TRIOBP: variants seen among roughly 807,000 people sequenced by gnomAD.
TRIOBP encodes TRIO and F-actin binding protein, also known as TRIO and F-actin-binding protein.
TRIOBP carries 169 observed loss-of-function variants against 238.8 expected under a neutral mutation model. The ratio of observed to expected loss-of-function variants is 0.71; its 90% CI spans 0.62 to 0.80. The LOEUF is 0.80. TRIOBP is among the 30% of genes least tolerant of loss of function. TRIOBP has a pLI of 0.00. For missense variants in TRIOBP, 2,838 were observed against 3,122.6 expected (o/e 0.91, Z 2.17); for synonymous variants, 1,150 against 1,274.4 (o/e 0.90, Z 2.08).
chr22:37,743,426 C>T (rs543314049), intron 11 of TRIOBP, among the ~76,000 whole-genome samples: 2 of 152,302 alleles, frequency 1.3e-5, no homozygotes, highest in South Asian at 4.1e-4. Flanking sequence ...TAACTCACCC[C>T]TGGGTCCCTG....
chr22:37,772,668 C>T lies in TRIOBP; in HGVS notation c.7004C>T (p.Ser2335Phe), dbSNP rs1926842737. The change falls in exon 23 of 24, where the codon TCT becomes TTT. Residue 2335 changes from serine to phenylalanine, a missense_variant. Physicochemically the swap from Ser to Phe is radical, Grantham distance 155 (BLOSUM62 -2). Transcript: ENST00000644935. ...YVELSHIKTR[S>F]EREIEQLKEH... ...GAGCTGAGCCACATCAAGACACGGTCTGAGCGGGAGATCGAGCAGCTGAAG... is the reference window on the plus strand; with the variant it reads ...GAGCTGAGCCACATCAAGACACGGTTTGAGCGGGAGATCGAGCAGCTGAAG... 14 of 1,614,040 alleles carry T rather than the reference C, an allele frequency of 8.7e-6. 1 individual carries two copies. Among genetic ancestry groups the T allele is most frequent in the Non-Finnish European group, 1.2e-5 (14 of 1,180,040 alleles).
chr22:37,724,886 A>G lies in TRIOBP; in HGVS notation c.2330A>G (p.Asn777Ser). The G allele has an allele frequency of 6.2e-7, 1 of 1,601,956 alleles. No homozygotes were observed. Among genetic ancestry groups the G allele is most frequent in the South Asian group, 1.1e-5 (1 of 90,560 alleles). Residue 777 changes from asparagine (N) to serine (S), a missense_variant, in exon 7 of 24, where the codon AAT becomes AGT. Asn to Ser is a conservative substitution (Grantham distance 46, BLOSUM62 1). Around this residue, in one of 5 missense-constraint regions of TRIOBP, gnomAD observed 2,096 missense variants for 2,137.4 expected, o/e 0.98. Coordinates refer to ENST00000644935, the MANE Select transcript of TRIOBP (RefSeq NM_001039141.3). ...AGAACATCCTGTACCCGACAGGACA[A>G]TCCCAGGACCTCCTCTCCCAATAGA... ...NLRTSCTRQD[N>S]PRTSSPNRAT...
intron 14 of TRIOBP, 34 bp from the exon 15 acceptor site, chr22:37,755,516 C>T: frequency 1.3e-6 from 2 of 1,589,596 alleles, no homozygotes; most frequent in South Asian, 1.1e-5. Context: ...TGCGGCTGGC[C>T]ATGTGGCAAC....
rs1926915706 is a variant in TRIOBP at position 37,773,947 on chromosome 22, GAC to G, written c.*171_*172del. On this transcript the variant is annotated 3_prime_UTR_variant, in exon 24 of 24. Coordinates refer to ENST00000644935, the MANE Select transcript of TRIOBP (RefSeq NM_001039141.3). ...ACACACACACACACACAGACACACAGACACATACGCACACACGTGCACACATG... is the reference window on the plus strand; with the variant it reads ...ACACACACACACACACAGACACACAGACATACGCACACACGTGCACACATG... 1 of 128,672 alleles carries G rather than the reference GAC, an allele frequency of 7.8e-6. No individual in the cohort carries two copies. 8.0% of individuals were successfully genotyped at this position (128,672 alleles called of 1,614,324 possible). A position where few individuals can be genotyped will look rare whatever the true frequency, so the allele number is the denominator to read the frequency against.
Position 37,710,478 on chromosome 22 carries a change from T to C in TRIOBP, c.166T>C (p.Cys56Arg). 1.2e-6 allele frequency: 2 copies of C among 1,613,398 alleles called. No homozygotes were observed. Among genetic ancestry groups the C allele is most frequent in the Non-Finnish European group, 1.7e-6 (2 of 1,179,966 alleles). ...GGTGCCCTACTGCGACCTGCCTCGA[T>C]GTCCACCTGCCCCTGAGGACCCACT... ...AEVPYCDLPR[C>R]PPAPEDPLSA... The change falls in exon 4 of 24, where the codon TGT (cysteine) becomes CGT (arginine). Residue 56 changes from cysteine to arginine, a missense_variant. By Grantham distance (180) the Cys-to-Arg change is radical. Transcript: ENST00000644935.
intron 17 of TRIOBP, among the ~76,000 whole-genome samples, chr22:37,764,036 C>T (rs1440515376): frequency 1.3e-5 from 2 of 152,244 alleles, no homozygotes; most frequent in Non-Finnish European, 2.9e-5. Context: ...CCTTCCTGGT[C>T]ACACCTCCCT....
intron 6 of TRIOBP, among the ~76,000 whole-genome samples, chr22:37,722,130 T>G (rs1385274864): frequency 6.6e-6 from 1 of 152,170 alleles, no homozygotes; most frequent in African/African-American, 2.4e-5. Flanking sequence ...TATAAAAGGT[T>G]GTCCATCCCT....
At chr22:37,727,471 AGCCT>A (rs2145836906) in intron 7 of TRIOBP, among the ~76,000 whole-genome samples, 1 of 152,054 alleles carries the variant, frequency 6.6e-6, no homozygotes, top group South Asian at 2.1e-4. Context: ...GATCGACAGC[AGCCT>A]GGCTAACACG....
In TRIOBP at chr22:37,725,853, G is replaced by A; in HGVS notation, c.3297G>A (p.Gln1099=). 2 of 1,604,276 alleles carry A rather than the reference G, an allele frequency of 1.2e-6. No homozygotes were observed. Among genetic ancestry groups the A allele is most frequent in the East Asian group, 2.3e-5 (1 of 44,424 alleles). Residue 1099 remains glutamine (Q), a synonymous_variant, in exon 7 of 24, where the codon CAG becomes CAA. Coordinates refer to ENST00000644935, the MANE Select transcript of TRIOBP (RefSeq NM_001039141.3). The part of the protein sequence containing the change: ...PDTSDAEHQC[Q]SPQHEPLQLP... ...CATCAGATGCCGAGCATCAGTGTCA[G>A]TCCCCCCAACACGAGCCCCTTCAGC...
At chr22:37,714,768 C>G (rs1923430682) in intron 5 of TRIOBP, among the ~76,000 whole-genome samples, 1 of 152,186 alleles carries the variant, frequency 6.6e-6, no homozygotes, top group African/African-American at 2.4e-5. Flanking sequence ...CCTTGACTTC[C>G]TGGGCTCAAG....
chr22:37,725,946 A>G lies in TRIOBP; in HGVS notation c.3390A>G (p.Pro1130=). The G allele has an allele frequency of 6.4e-7, 1 of 1,574,002 alleles. No individual in the cohort carries two copies. Among genetic ancestry groups the G allele is most frequent in the Non-Finnish European group, 8.6e-7 (1 of 1,163,648 alleles). The change falls in exon 7 of 24, where the codon CCA becomes CCG. Residue 1130 remains proline (P), a synonymous_variant. Coordinates refer to ENST00000644935, the MANE Select transcript of TRIOBP (RefSeq NM_001039141.3). ...PRASSPPRQA[P]EPSLLFQDLP... is the part of the protein sequence containing the mutation. ...CCTCCTCCCCACCACGCCAGGCCCC[A>G]GAGCCTTCCCTCTTATTCCAGGACC...
rs144175566 is a variant in TRIOBP, at chr22:37,734,501, C to A, written c.4165C>A (p.Leu1389Ile). ...PEKRPEGDRQ[L>I]QGSPLPPRTS... The stretch of plus-strand genomic sequence containing the variant: ...GAAGAGACCTGAGGGAGATCGGCAG[C>A]TCCAGGGGTCCCCGCTGCCCCCCAG... Residue 1389 changes from leucine to isoleucine, a missense_variant, in exon 9 of 24, where the codon CTC (leucine) becomes ATC (isoleucine). Leu to Ile is a conservative substitution (Grantham distance 5). Around this residue, in one of 5 missense-constraint regions of TRIOBP, gnomAD observed 2,096 missense variants for 2,137.4 expected, o/e 0.98. Coordinates refer to ENST00000644935, the MANE Select transcript of TRIOBP (RefSeq NM_001039141.3). 1.1e-3 allele frequency: 1,768 copies of A among 1,609,754 alleles called. 16 individuals carry two copies. The African/African-American group carries it at 0.019, about 18-fold the overall frequency.
intron 6 of TRIOBP, among the ~76,000 whole-genome samples, chr22:37,717,644 G>T (rs1219683138): frequency 6.6e-6 from 1 of 152,228 alleles, no homozygotes; most frequent in African/African-American, 2.4e-5. Context: ...CCCTGAGCTA[G>T]ACACAGGGTG....
At chr22:37,751,363 G>T (rs544814323) in intron 11 of TRIOBP, 1 of 339,812 alleles carries the variant, frequency 2.9e-6, no homozygotes, top group Non-Finnish European at 5.8e-6. Context: ...CTTGGTCCTC[G>T]TCAGAGGGAG....
chr22:37,749,341 ACT>A (rs1222120037), intron 11 of TRIOBP, among the ~76,000 whole-genome samples: 6 of 151,700 alleles, frequency 4.0e-5, no homozygotes, highest in Non-Finnish European at 7.4e-5. Flanking sequence ...GGCAGCAGAG[ACT>A]CTGTCTCAAA....
chr22:37,735,831 T>A (rs1422896764), intron 9 of TRIOBP, among the ~76,000 whole-genome samples: 1 of 152,228 alleles, frequency 6.6e-6, no homozygotes, highest in Non-Finnish European at 1.5e-5. Flanking sequence ...TCAAGCAAGA[T>A]GCTCTGGCCA....
At chr22:37,740,869 G>A (rs775585111) in intron 10 of TRIOBP, 26 bp from the exon 11 acceptor site, 112 of 1,561,810 alleles carry the variant, frequency 7.2e-5, no homozygotes, top group Non-Finnish European at 9.4e-5. Context: ...AGGGACCTGG[G>A]GCCAACACTG....
At chr22:37,719,267 G>A (rs752253296) in intron 6 of TRIOBP, among the ~76,000 whole-genome samples, 6 of 151,946 alleles carry the variant, frequency 3.9e-5, no homozygotes, top group Non-Finnish European at 7.4e-5. Flanking sequence ...GGAGGGGACA[G>A]AGAAGGAGAG....
In TRIOBP at chr22:37,776,104, G is replaced by A. The variant is rs763438071; in HGVS notation, c.*2324G>A. 2.0e-5 allele frequency: 3 copies of A among 152,064 alleles called. No individual in the cohort carries two copies. Among genetic ancestry groups the A allele is most frequent in the African/African-American group, 4.8e-5 (2 of 41,308 alleles). The allele number at this position is 152,064 out of a possible 1,614,324, so 9.4% of individuals were successfully genotyped here. ...CCTCAACCTAACTCAGGGCTCCCCC[G>A]TCTCACACCTGGGTTGCAGGAACAT... On this transcript the variant is annotated 3_prime_UTR_variant, in exon 24 of 24. Transcript: ENST00000644935.
Sources: allele counts gnomAD v4.1 joint callset (sites outside exome capture counted in the v4.1 genomes callset), GRCh38; gene constraint gnomAD v4.1.1; regional missense constraint gnomAD v4.1.1; transcripts MANE v1.5; gene names NCBI Gene and HGNC (gene_info 2026-07-23, HGNC 2026-07-21).